The following WNK3 variants were observed in gnomAD, a reference collection of about 807,000 sequenced individuals.
WNK3 encodes WNK lysine deficient protein kinase 3.
In WNK3, 18 loss-of-function variants were observed where a neutral mutation model predicts 116.7. The observed-to-expected ratio is 0.15, with a 90% CI of 0.11 to 0.23. The LOEUF (loss-of-function observed/expected upper bound fraction) is 0.23, where lower values mean the gene tolerates loss of function less well. Among genes scored for constraint, WNK3 ranks in the 10% least tolerant of loss-of-function variants. The probability of loss-of-function intolerance (pLI) is 1.00; values close to 1 mark genes in which losing one functional copy is unlikely to be tolerated. For missense variants in WNK3, 993 were observed against 1,323.8 expected, an observed-to-expected ratio of 0.75 and a Z score of 3.88; for synonymous variants, 404 against 469.4, an observed-to-expected ratio of 0.86 and a Z score of 1.80.
In WNK3 at chrX:54,263,450, T is replaced by G. The variant is rs188288311; in HGVS notation, c.2038-4112A>C. Among the ~76,000 whole-genome samples, 3 of 111,883 alleles carry G rather than the reference T, an allele frequency of 2.7e-5. No homozygotes were observed. The East Asian group carries it at 8.4e-4, about 31-fold the overall frequency. On this transcript the variant is annotated intron_variant, in intron 10 of 23. Transcript: ENST00000354646. ...AACATTATAAAAATTTTCCAACACA[T>G]AGAAAAGTGGAATTGTTCTGTGAAA...
intron 10 of WNK3, among the ~76,000 whole-genome samples, chrX:54,275,401 G>A (rs1472316537): frequency 2.1e-5 from 2 of 95,932 alleles, no homozygotes; most frequent in African/African-American, 3.9e-5. Context: ...GGTATCTGTA[G>A]GGTATAAGTT....
chrX:54,356,859 A>G (rs2069600086), intron 1 of WNK3, among the ~76,000 whole-genome samples: 1 of 110,114 alleles, frequency 9.1e-6, no homozygotes, highest in Admixed American at 9.8e-5. Flanking sequence ...GGAGATACTC[A>G]CGTGCAGGAT....
At chrX:54,247,598 G>C (rs193221991) in intron 17 of WNK3, among the ~76,000 whole-genome samples, 58 of 109,977 alleles carry the variant, frequency 5.3e-4, no homozygotes, top group African/African-American at 1.8e-3. Flanking sequence ...GGAAAGATTT[G>C]TTAACAGCTG....
intron 2 of WNK3, among the ~76,000 whole-genome samples, chrX:54,319,428 G>A (rs1361648870): frequency 9.0e-6 from 1 of 111,585 alleles, no homozygotes; most frequent in Non-Finnish European, 1.9e-5. Flanking sequence ...CTCCCAAAGT[G>A]CTAGGATTAT....
chrX:54,332,929 C>A (rs2069189000), intron 2 of WNK3, among the ~76,000 whole-genome samples: 1 of 108,704 alleles, frequency 9.2e-6, no homozygotes, highest in Non-Finnish European at 1.9e-5. Flanking sequence ...TTTTCTTCCC[C>A]TTTAAAACAG....
At chrX:54,247,190 C>T (rs941493269) in intron 17 of WNK3, among the ~76,000 whole-genome samples, 1 of 111,611 alleles carries the variant, frequency 9.0e-6, no homozygotes, top group Non-Finnish European at 1.9e-5. Context: ...TAGCAACAGA[C>T]ACTTGAAACA....
At chrX:54,330,697 C>T (rs2069158740) in intron 2 of WNK3, among the ~76,000 whole-genome samples, 1 of 112,410 alleles carries the variant, frequency 8.9e-6, no homozygotes, top group Admixed American at 9.5e-5. Flanking sequence ...GTAATCCCAG[C>T]ACCGTGGGAG....
At chrX:54,265,604 A>G (rs782355873) in intron 10 of WNK3, among the ~76,000 whole-genome samples, 1 of 112,437 alleles carries the variant, frequency 8.9e-6, no homozygotes, top group South Asian at 3.7e-4. Flanking sequence ...GGCTTTTACT[A>G]TCAAAGAGAT....
chrX:54,232,408 T>C (rs782216725), intron 21 of WNK3, among the ~76,000 whole-genome samples: 3 of 111,299 alleles, frequency 2.7e-5, no homozygotes, highest in South Asian at 3.8e-4. Flanking sequence ...TCCCAAAGTG[T>C]TGGGATTACA....
Position 54,347,307 on chromosome X carries a change from G to A in WNK3, c.-120+10379C>T, listed in dbSNP as rs186992900. Among the ~76,000 whole-genome samples, 16 of 111,565 alleles carry A rather than the reference G, an allele frequency of 1.4e-4. No homozygotes were observed. In the East Asian group the frequency reaches 4.5e-3, roughly 31 times the overall value. On this transcript the variant is annotated intron_variant, in intron 1 of 23. Coordinates refer to ENST00000354646, the Ensembl canonical transcript of WNK3. ...TCGACACCAGCCTGACCAACACAGC[G>A]AAACCTCGTCTCTACTAAAAATACA...
intron 1 of WNK3, among the ~76,000 whole-genome samples, chrX:54,354,151 G>T (rs1172103435): frequency 9.0e-6 from 1 of 111,007 alleles, no homozygotes; most frequent in Non-Finnish European, 1.9e-5. Context: ...CATTTCTGTA[G>T]TGAGTCAATC....
intron 22 of WNK3, among the ~76,000 whole-genome samples, chrX:54,221,842 A>AC (rs1329088162): frequency 9.1e-6 from 1 of 109,739 alleles, no homozygotes; most frequent in Non-Finnish European, 1.9e-5. Flanking sequence ...TTAAAAAAAA[A>AC]CCAACCAACC....
intron 2 of WNK3, among the ~76,000 whole-genome samples, 190 bp downstream of exon 2, chrX:54,332,947 A>C (rs1386794030): frequency 3.6e-5 from 4 of 110,717 alleles, no homozygotes; most frequent in African/African-American, 1.3e-4. Context: ...CAGAAAAGAA[A>C]ACAACAGGAG....
intron 2 of WNK3, among the ~76,000 whole-genome samples, chrX:54,314,103 GA>G (rs782249644): frequency 9.6e-6 from 1 of 104,689 alleles, no homozygotes; most frequent in East Asian, 3.1e-4. Context: ...TGAGACATGA[GA>G]ATCACTTGAG....
At chrX:54,330,075 A>G in intron 2 of WNK3, among the ~76,000 whole-genome samples, 1 of 111,302 alleles carries the variant, frequency 9.0e-6, no homozygotes. Context: ...CTTCATTTCC[A>G]CAAAAAATAA....
chrX:54,330,748 C>A (rs1008140472), intron 2 of WNK3, among the ~76,000 whole-genome samples: 6 of 111,907 alleles, frequency 5.4e-5, no homozygotes, highest in Non-Finnish European at 5.6e-5. Context: ...AGTTTGAGAC[C>A]AACCAGGGCA....
At chrX:54,239,591 T>A (rs1295143325) in intron 17 of WNK3, among the ~76,000 whole-genome samples, 1 of 111,482 alleles carries the variant, frequency 9.0e-6, no homozygotes, top group Non-Finnish European at 1.9e-5. Context: ...ACAAGATATC[T>A]AGGCACTTAG....
exon 17 of WNK3, chrX:54,249,584 T>C: frequency 4.1e-6 from 5 of 1,211,247 alleles, no homozygotes; most frequent in Non-Finnish European, 5.6e-6. Flanking sequence ...TTATTTTCTA[T>C]AGTGAGCAAT....
At chrX:54,269,636 T>C (rs1557158781) in intron 10 of WNK3, among the ~76,000 whole-genome samples, 2 of 111,507 alleles carry the variant, frequency 1.8e-5, no homozygotes, top group Non-Finnish European at 3.8e-5. Context: ...AGCAGCTTTA[T>C]CCATAAGAGC....
Sources: allele counts gnomAD v4.1 joint callset (sites outside exome capture counted in the v4.1 genomes callset), GRCh38; gene constraint gnomAD v4.1.1; transcripts MANE v1.5; gene names NCBI Gene and HGNC (gene_info 2026-07-23, HGNC 2026-07-21).